The following COL5A2 variants were observed in gnomAD, a reference collection of about 807,000 sequenced individuals.
The protein encoded by COL5A2 is collagen alpha-2(V) chain.
A neutral mutation model predicts 208.2 loss-of-function variants in COL5A2; 23 were observed. The observed-to-expected ratio is 0.11, with a 90% confidence interval of 0.08 to 0.16. The LOEUF (loss-of-function observed/expected upper bound fraction) is 0.16. Among genes scored for constraint, COL5A2 ranks in the 10% least tolerant of loss-of-function variants. COL5A2 has a pLI of 1.00. For synonymous variants in COL5A2, 625 were observed against 628.5 expected (o/e 0.99, Z 0.08); for missense variants, 1,590 against 1,956.4 (o/e 0.81, Z 3.53).
chr2:189,252,705 T>A, the COL5A2 span, among the ~76,000 whole-genome samples: 2 of 152,050 alleles, frequency 1.3e-5, no homozygotes, highest in Admixed American at 1.3e-4. Flanking sequence ...GGCACATGTA[T>A]ACATATGTAA....
At chr2:189,314,531 G>A in the COL5A2 span, among the ~76,000 whole-genome samples, 1 of 151,838 alleles carries the variant, frequency 6.6e-6, no homozygotes, top group Non-Finnish European at 1.5e-5. Context: ...AAGAACTAAA[G>A]AACAAATAGT....
the COL5A2 span, among the ~76,000 whole-genome samples, chr2:189,399,495 C>T: frequency 2.0e-5 from 3 of 152,096 alleles, no homozygotes; most frequent in Non-Finnish European, 4.4e-5. Context: ...GATGATCCAC[C>T]CAGCTCAGCC....
At chr2:189,254,360 G>A in the COL5A2 span, among the ~76,000 whole-genome samples, 1 of 152,202 alleles carries the variant, frequency 6.6e-6, no homozygotes, top group Non-Finnish European at 1.5e-5. Flanking sequence ...AGTTATGAAG[G>A]GTGTAAATAT....
the COL5A2 span, among the ~76,000 whole-genome samples, chr2:189,390,275 T>C: frequency 9.2e-5 from 14 of 152,128 alleles, no homozygotes; most frequent in Non-Finnish European, 1.6e-4. Context: ...CCAGCAAAGA[T>C]ATACATAGTC....
intron 1 of COL5A2, among the ~76,000 whole-genome samples, chr2:189,172,853 TAA>T (rs1239090427): frequency 3.6e-5 from 5 of 138,102 alleles, no homozygotes; most frequent in Admixed American, 7.2e-5. Flanking sequence ...ATCCTAAACT[TAA>T]AAAAAAAAAG....
chr2:189,140,041 C>T (rs1175097430), intron 1 of COL5A2, among the ~76,000 whole-genome samples: 1 of 151,270 alleles, frequency 6.6e-6, no homozygotes, highest in African/African-American at 2.4e-5. Context: ...CCGCTGCACT[C>T]CAGTCTGGGC....
At chr2:189,404,928 C>A in the COL5A2 span, among the ~76,000 whole-genome samples, 17 of 152,262 alleles carry the variant, frequency 1.1e-4, no homozygotes, top group Middle Eastern at 3.4e-3. Flanking sequence ...TTTGGAGACA[C>A]AGTACAAATA....
intron 1 of COL5A2, among the ~76,000 whole-genome samples, chr2:189,123,919 C>T (rs1486222335): frequency 6.6e-6 from 1 of 151,886 alleles, no homozygotes; most frequent in Non-Finnish European, 1.5e-5. Context: ...TGTTAGACAA[C>T]CAGATTGCTA....
chr2:189,061,900 T>C (rs925891557), intron 29 of COL5A2, among the ~76,000 whole-genome samples: 1 of 152,158 alleles, frequency 6.6e-6, no homozygotes, highest in African/African-American at 2.4e-5. Context: ...GGAAATTGGA[T>C]TGAATATAGG....
the COL5A2 span, among the ~76,000 whole-genome samples, chr2:189,328,453 A>G: frequency 6.6e-6 from 1 of 152,208 alleles, no homozygotes; most frequent in Non-Finnish European, 1.5e-5. Flanking sequence ...CAGGCAATCC[A>G]GCATGCAAGA....
intron 1 of COL5A2, among the ~76,000 whole-genome samples, chr2:189,145,646 T>A (rs369328702): frequency 7.3e-4 from 111 of 152,144 alleles, no homozygotes; most frequent in African/African-American, 2.6e-3. Flanking sequence ...CTGAAGAAGA[T>A]CTTATTCAGA....
At chr2:189,104,222 A>C in intron 3 of COL5A2, 42 bp downstream of exon 3, 1 of 1,415,596 alleles carries the variant, frequency 7.1e-7, no homozygotes, top group Non-Finnish European at 1.0e-6. Context: ...TATTGGATAT[A>C]AGTCTGCTTA....
chr2:189,072,587 C>G (rs561288095), intron 17 of COL5A2, among the ~76,000 whole-genome samples: 31 of 152,048 alleles, frequency 2.0e-4, no homozygotes, highest in African/African-American at 7.2e-4. Context: ...GCCTGGCCAA[C>G]GTGGTGAAAC....
intron 1 of COL5A2, among the ~76,000 whole-genome samples, chr2:189,125,255 C>T (rs1687585117): frequency 1.3e-5 from 2 of 152,152 alleles, no homozygotes; most frequent in African/African-American, 4.8e-5. Flanking sequence ...TAAGGCCATT[C>T]ACAGTATCTG....
the COL5A2 span, among the ~76,000 whole-genome samples, chr2:189,285,621 A>G: frequency 1.3e-5 from 2 of 152,288 alleles, no homozygotes; most frequent in East Asian, 1.9e-4. Context: ...GCAAGATCCC[A>G]GGTCATCTAA....
At chr2:189,065,731 C>T (rs1334621327) in intron 23 of COL5A2, among the ~76,000 whole-genome samples, 2 of 152,168 alleles carry the variant, frequency 1.3e-5, no homozygotes, top group South Asian at 4.1e-4. Flanking sequence ...TGTGAGATTA[C>T]TGTTCTTCTT....
intron 23 of COL5A2, among the ~76,000 whole-genome samples, chr2:189,065,943 C>A (rs1686139234): frequency 6.6e-6 from 1 of 152,184 alleles, no homozygotes; most frequent in South Asian, 2.1e-4. Flanking sequence ...TTCCTAACCA[C>A]CTAATCTAAC....
At chr2:189,230,739 G>A in the COL5A2 span, among the ~76,000 whole-genome samples, 2 of 151,770 alleles carry the variant, frequency 1.3e-5, no homozygotes, top group Non-Finnish European at 2.9e-5. Context: ...ACGCACTGTT[G>A]GTAGAAATGT....
intron 1 of COL5A2, among the ~76,000 whole-genome samples, chr2:189,126,166 A>C (rs548336898): frequency 6.6e-5 from 10 of 152,166 alleles, no homozygotes; most frequent in Admixed American, 5.9e-4. Flanking sequence ...CTTAACAATC[A>C]TTCAGCTTGT....
Sources: allele counts gnomAD v4.1 joint callset (sites outside exome capture counted in the v4.1 genomes callset), GRCh38; gene constraint gnomAD v4.1.1; transcripts MANE v1.5; gene names NCBI Gene and HGNC (gene_info 2026-07-23, HGNC 2026-07-21).